EYS: variants seen among roughly 807,000 people sequenced by gnomAD.
EYS encodes EGF-like photoreceptor maintenance factor.
In EYS, 250 loss-of-function variants were observed where a neutral mutation model predicts 282.1. The observed-to-expected ratio is 0.89, with a 90% CI of 0.80 to 0.98. EYS has a LOEUF of 0.98. EYS is among the 50% of genes least tolerant of loss of function. The pLI is 0.00. For missense variants in EYS, 4,016 were observed against 3,709.0 expected, an observed-to-expected ratio of 1.08 and a Z score of -2.15; for synonymous variants, 1,355 against 1,282.9, an observed-to-expected ratio of 1.06 and a Z score of -1.20.
intron 28 of EYS, chr6:64,400,287 AT>A (rs1341908387): frequency 1.3e-5 from 2 of 152,034 alleles, no homozygotes; most frequent in African/African-American, 4.8e-5. Flanking sequence ...CATACTTAAA[AT>A]TCTTCATGGT....
chr6:65,182,147 T>G (rs938042276), intron 12 of EYS, among the ~76,000 whole-genome samples: 2 of 151,822 alleles, frequency 1.3e-5, no homozygotes, highest in African/African-American at 4.8e-5. Context: ...ACATGGCATA[T>G]GTATACATAT....
intron 22 of EYS, among the ~76,000 whole-genome samples, chr6:64,697,644 C>A (rs766075875): frequency 3.3e-5 from 5 of 152,078 alleles, no homozygotes; most frequent in Non-Finnish European, 7.4e-5. Flanking sequence ...TTAACAAAAC[C>A]AGTCTCAATA....
At chr6:64,990,828 T>C (rs964090525) in intron 14 of EYS, among the ~76,000 whole-genome samples, 1 of 151,652 alleles carries the variant, frequency 6.6e-6, no homozygotes, top group Admixed American at 6.6e-5. Flanking sequence ...TCCAAAGCAT[T>C]AAAGCTCACA....
chr6:63,974,451 A>G (rs16894731), intron 35 of EYS, among the ~76,000 whole-genome samples: 40,876 of 151,842 alleles, frequency 0.27, 6,194 homozygotes, highest in Middle Eastern at 0.35. Context: ...TTCTGTTAAG[A>G]AAGGAGAGAA....
At chr6:65,515,407 G>A (rs944478614) in intron 2 of EYS, among the ~76,000 whole-genome samples, 2 of 152,098 alleles carry the variant, frequency 1.3e-5, no homozygotes, top group African/African-American at 4.8e-5. Context: ...TCTAGAACTA[G>A]AAATACCATT....
chr6:64,842,739 G>C (rs1399316135), intron 19 of EYS, among the ~76,000 whole-genome samples: 1 of 152,040 alleles, frequency 6.6e-6, no homozygotes, highest in Non-Finnish European at 1.5e-5. Context: ...CTTTGAACTT[G>C]AGAGAGATGA....
At position 63,788,969 on chromosome 6, in the gene EYS, A is replaced by G. The variant is rs983729521; in HGVS notation, c.7578+89T>C. 8.3e-6 allele frequency: 11 copies of G among 1,330,730 alleles called. No homozygotes were observed. The African/African-American group carries it at 1.5e-4, about 18-fold the overall frequency. The allele number at this position is 1,330,730 out of a possible 1,614,324, so 82.4% of individuals were successfully genotyped here. A position where few individuals can be genotyped will look rare whatever the true frequency, so the allele number is the denominator to read the frequency against. On this transcript the variant is annotated intron_variant, in intron 38 of 42. Coordinates refer to ENST00000503581, the MANE Select transcript of EYS (RefSeq NM_001142800.2). Reference sequence around the variant, plus strand: ...TGTGAACTTCGTGGATGTAGGCATCATGGGCTATTCACCTCTGTATCTTAG... The same window carrying G: ...TGTGAACTTCGTGGATGTAGGCATCGTGGGCTATTCACCTCTGTATCTTAG...
At chr6:65,007,853 G>A (rs1771731974) in intron 13 of EYS, among the ~76,000 whole-genome samples, 1 of 152,106 alleles carries the variant, frequency 6.6e-6, no homozygotes, top group African/African-American at 2.4e-5. Flanking sequence ...AACCCTGATG[G>A]CTATATTGAT....
chr6:65,620,946 A>G (rs1304453031), intron 2 of EYS, among the ~76,000 whole-genome samples: 1 of 152,138 alleles, frequency 6.6e-6, no homozygotes, highest in Non-Finnish European at 1.5e-5. Flanking sequence ...GTTCTTTTAC[A>G]TTTGCTGAGG....
At chr6:64,199,171 T>A (rs910095374) in intron 31 of EYS, among the ~76,000 whole-genome samples, 2 of 152,180 alleles carry the variant, frequency 1.3e-5, no homozygotes, top group African/African-American at 4.8e-5. Context: ...TCACGCTATC[T>A]GACTTCAAAC....
At chr6:64,641,904 T>A (rs1330942919) in intron 22 of EYS, among the ~76,000 whole-genome samples, 1 of 152,138 alleles carries the variant, frequency 6.6e-6, no homozygotes, top group Non-Finnish European at 1.5e-5. Context: ...GTAGAACAGT[T>A]TTATCCCCAC....
At chr6:65,190,285 G>C (rs1765610396) in intron 12 of EYS, among the ~76,000 whole-genome samples, 1 of 146,982 alleles carries the variant, frequency 6.8e-6, no homozygotes. Context: ...GTTATATAAA[G>C]TATTTTCATG....
At chr6:64,992,243 G>A (rs995517378) in intron 14 of EYS, among the ~76,000 whole-genome samples, 3 of 151,648 alleles carry the variant, frequency 2.0e-5, no homozygotes, top group Non-Finnish European at 2.9e-5. Context: ...AAATAAATTG[G>A]TATATAGTAA....
chr6:65,233,647 C>A (rs774033498), intron 12 of EYS, among the ~76,000 whole-genome samples: 14 of 152,152 alleles, frequency 9.2e-5, no homozygotes, highest in Non-Finnish European at 1.8e-4. Context: ...CTTGGAGGTT[C>A]CTTCTCTTAT....
At chr6:65,397,583 G>GGTGTGT (rs58522364) in intron 7 of EYS, among the ~76,000 whole-genome samples, 24 of 138,194 alleles carry the variant, frequency 1.7e-4, no homozygotes, top group South Asian at 2.4e-4. Context: ...TGTATTTCAT[G>GGTGTGT]GTGTGTGTGT....
intron 11 of EYS, among the ~76,000 whole-genome samples, chr6:65,327,148 A>G (rs1040217270): frequency 6.6e-6 from 1 of 151,716 alleles, no homozygotes; most frequent in African/African-American, 2.4e-5. Flanking sequence ...ACTACTTTTT[A>G]TCTGGTTTAA....
intron 2 of EYS, among the ~76,000 whole-genome samples, chr6:65,552,228 T>C (rs1305440260): frequency 6.6e-6 from 1 of 152,212 alleles, no homozygotes; most frequent in Admixed American, 6.5e-5. Flanking sequence ...CTCAAACTTG[T>C]TATCTCGACT....
In EYS at chr6:64,593,168, T is replaced by C. The variant is rs1349496548; in HGVS notation, c.3826A>G (p.Ile1276Val). 7.1e-6 allele frequency: 11 copies of C among 1,549,108 alleles called. No individual in the cohort carries two copies. Among genetic ancestry groups the C allele is most frequent in the African/African-American group, 1.4e-5 (1 of 72,888 alleles). ...SETLVSSFPS[I>V]KATRIPAIMD... ...ATGGCTGGTATTCTAGTAGCCTTTA[T>C]AGATGGAAAGCTGCTGACCAAAGTC... is the stretch of plus-strand genomic sequence containing the variant. The change falls in exon 25 of 43, where the codon ATA becomes GTA. Residue 1276 changes from isoleucine (I) to valine (V), a missense_variant. Physicochemically the swap from Ile to Val is conservative, Grantham distance 29. Transcript: ENST00000503581.
At chr6:64,538,131 T>G (rs987891963) in intron 26 of EYS, among the ~76,000 whole-genome samples, 2 of 152,132 alleles carry the variant, frequency 1.3e-5, no homozygotes, top group African/African-American at 4.8e-5. Context: ...TTTATGAGGA[T>G]GCAGTAAAAG....
Sources: allele counts gnomAD v4.1 joint callset (sites outside exome capture counted in the v4.1 genomes callset), GRCh38; gene constraint gnomAD v4.1.1; transcripts MANE v1.5; gene names NCBI Gene and HGNC (gene_info 2026-07-23, HGNC 2026-07-21).